Variants in PLEKHA7 observed in about 807,000 individuals in gnomAD.
The protein encoded by PLEKHA7 is pleckstrin homology domain-containing family A member 7.
PLEKHA7 carries 104 observed loss-of-function variants against 170.0 expected under a neutral mutation model. The observed-to-expected ratio is 0.61, with a 90% CI of 0.52 to 0.72. The LOEUF (loss-of-function observed/expected upper bound fraction) is 0.72. PLEKHA7 is among the 30% of genes least tolerant of loss of function. The probability of loss-of-function intolerance (pLI) is 0.00; values close to 1 mark genes in which losing one functional copy is unlikely to be tolerated. For synonymous variants in PLEKHA7, 648 were observed against 660.8 expected (o/e 0.98, Z 0.30); for missense variants, 1,615 against 1,671.7 (o/e 0.97, Z 0.59).
chr11:16,835,067 C>A (rs539898572), intron 9 of PLEKHA7, among the ~76,000 whole-genome samples: 3 of 151,990 alleles, frequency 2.0e-5, no homozygotes, highest in Non-Finnish European at 4.4e-5. Context: ...CCCAGGAGTT[C>A]GAGGCCAGCC....
At chr11:16,883,165 T>C (rs1431965114) in intron 3 of PLEKHA7, among the ~76,000 whole-genome samples, 2 of 152,130 alleles carry the variant, frequency 1.3e-5, no homozygotes, top group Non-Finnish European at 2.9e-5. Context: ...ACCTCCAAAA[T>C]GTCTTGGGAG....
In PLEKHA7 at chr11:16,786,150, C is replaced by A. The variant is rs1385627669; in HGVS notation, c.3516+79G>T. ...CCATGTCCCTGTTCAGGATGATACCCCACAGTGGGAAGGTGGATCAGGCTG... is the reference window on the plus strand; with the variant it reads ...CCATGTCCCTGTTCAGGATGATACCACACAGTGGGAAGGTGGATCAGGCTG... On this transcript the variant is annotated intron_variant, in intron 24 of 26. Transcript: ENST00000531066. 5.4e-6 allele frequency: 8 copies of A among 1,486,712 alleles called. No individual in the cohort carries two copies. The Admixed American group carries it at 1.6e-4, about 30-fold the overall frequency. 92.1% of individuals were successfully genotyped at this position (1,486,712 alleles called of 1,614,324 possible).
intron 24 of PLEKHA7, among the ~76,000 whole-genome samples, chr11:16,785,584 T>G (rs1039010987): frequency 2.6e-5 from 4 of 152,032 alleles, no homozygotes; most frequent in Non-Finnish European, 5.9e-5. Context: ...AGACACTGAG[T>G]GTGTCATCCC....
intron 3 of PLEKHA7, among the ~76,000 whole-genome samples, chr11:16,966,843 T>C (rs538432628): frequency 6.6e-6 from 1 of 152,202 alleles, no homozygotes; most frequent in African/African-American, 2.4e-5. Context: ...GTCGTCCACC[T>C]GGAGCCTGCC....
intron 3 of PLEKHA7, among the ~76,000 whole-genome samples, chr11:16,994,300 C>G (rs1428172926): frequency 6.6e-6 from 1 of 152,182 alleles, no homozygotes; most frequent in East Asian, 1.9e-4. Flanking sequence ...GTGAGGGCTA[C>G]CTGGAGTTGC....
chr11:16,951,579 C>G (rs569624898), intron 3 of PLEKHA7, among the ~76,000 whole-genome samples: 3 of 152,316 alleles, frequency 2.0e-5, no homozygotes, highest in African/African-American at 7.2e-5. Context: ...CAATCTCACT[C>G]TGAGACCCAG....
At chr11:16,785,924 C>T (rs550508212) in intron 24 of PLEKHA7, among the ~76,000 whole-genome samples, 2 of 152,330 alleles carry the variant, frequency 1.3e-5, no homozygotes, top group African/African-American at 4.8e-5. Flanking sequence ...GCTTTGATCG[C>T]TAAACCTCCC....
intron 3 of PLEKHA7, among the ~76,000 whole-genome samples, chr11:16,923,580 G>C (rs553449218): frequency 1.1e-4 from 17 of 152,058 alleles, no homozygotes; most frequent in Non-Finnish European, 4.4e-5. Flanking sequence ...AGAGGCAGGC[G>C]AACTCAGCAA....
chr11:16,788,869 C>A, intron 23 of PLEKHA7: 1 of 606,214 alleles, frequency 1.6e-6, no homozygotes, highest in South Asian at 2.1e-5. Context: ...TTTCCTCAGG[C>A]TCCTGGGCCT....
At position 16,897,947 on chromosome 11, in the gene PLEKHA7, G is replaced by C. The variant is rs1555; in HGVS notation, c.222-26765C>G. ...CTACCCACTTCCACAGTGTCATTCA[G>C]ATATCACCATGACAACCACCAAAAG... On this transcript the variant is annotated intron_variant, in intron 3 of 26. Coordinates refer to ENST00000531066, the MANE Select transcript of PLEKHA7 (RefSeq NM_001329630.2). Among the ~76,000 whole-genome samples, 894 of 152,232 alleles carry C rather than the reference G, an allele frequency of 5.9e-3. 1 individual carries two copies. The highest frequency in any genetic ancestry group is 0.017 in the Middle Eastern group (5 of 294).
intron 3 of PLEKHA7, among the ~76,000 whole-genome samples, chr11:16,925,488 C>T (rs958947871): frequency 3.3e-5 from 5 of 152,208 alleles, no homozygotes; most frequent in Non-Finnish European, 7.3e-5. Context: ...GGCTCGACAA[C>T]CCGCAGACCC....
Position 16,789,428 on chromosome 11 carries a change from GC to G in PLEKHA7, c.3157-133del. On this transcript the variant is annotated intron_variant, in intron 22 of 26. Transcript: ENST00000531066. The surrounding 1 kb of genome is among the most constrained non-coding windows in gnomAD (Gnocchi z 4.6). The stretch of plus-strand genomic sequence containing the variant: ...GCACACTCTAGTTGGGCTCCTCTTG[GC>G]CTTAGAGAACTATTTCCTCTAAGCA... 1.2e-6 allele frequency: 1 copy of G among 839,264 alleles called. No homozygotes were observed. The highest frequency in any genetic ancestry group is 1.9e-6 in the Non-Finnish European group (1 of 532,940). The allele number at this position is 839,264 out of a possible 1,614,324, so 52.0% of individuals were successfully genotyped here. A position where few individuals can be genotyped will look rare whatever the true frequency, so the allele number is the denominator to read the frequency against.
At chr11:16,847,606 G>A (rs1198412388) in intron 8 of PLEKHA7, among the ~76,000 whole-genome samples, 1 of 151,940 alleles carries the variant, frequency 6.6e-6, no homozygotes, top group African/African-American at 2.4e-5. Context: ...AAGACAGGTG[G>A]ATCACCTGAG....
intron 26 of PLEKHA7, among the ~76,000 whole-genome samples, chr11:16,782,031 C>T (rs770015937): frequency 6.6e-6 from 1 of 151,996 alleles, no homozygotes; most frequent in African/African-American, 2.4e-5. Context: ...GAGGAGCCTG[C>T]GGTCTCCTTC....
chr11:16,829,759 A>G lies in PLEKHA7; in HGVS notation c.873-3169T>C, dbSNP rs567774932. Among the ~76,000 whole-genome samples, 4 of 152,322 alleles carry G rather than the reference A, an allele frequency of 2.6e-5. No homozygotes were observed. The South Asian group carries it at 8.3e-4, about 32-fold the overall frequency. Reference sequence around the variant, plus strand: ...CACTGTGCTCCAGCCTGGGCAACAGAGCAAGACTCCGCCTCAAAAAAGAAA... The same window carrying G: ...CACTGTGCTCCAGCCTGGGCAACAGGGCAAGACTCCGCCTCAAAAAAGAAA... On this transcript the variant is annotated intron_variant, in intron 9 of 26. Transcript: ENST00000531066.
chr11:16,810,202 C>CA (rs1240368414), intron 13 of PLEKHA7, among the ~76,000 whole-genome samples: 1 of 152,204 alleles, frequency 6.6e-6, no homozygotes, highest in Non-Finnish European at 1.5e-5. Context: ...TAGATACTTA[C>CA]AAACAAAAGC....
chr11:16,811,191 C>G (rs1354797820), intron 13 of PLEKHA7, among the ~76,000 whole-genome samples: 1 of 152,212 alleles, frequency 6.6e-6, no homozygotes, highest in African/African-American at 2.4e-5. Flanking sequence ...TGAGTTTCCA[C>G]TGTCACATAC....
intron 13 of PLEKHA7, 46 bp from the exon 14 acceptor site, chr11:16,803,341 A>G (rs561241729): frequency 6.4e-7 from 1 of 1,567,512 alleles, no homozygotes; most frequent in South Asian, 1.1e-5. Flanking sequence ...GGTGTTTGAG[A>G]TCAGAACTCA....
intron 9 of PLEKHA7, among the ~76,000 whole-genome samples, chr11:16,840,572 A>G (rs1851872306): frequency 6.6e-6 from 1 of 152,150 alleles, no homozygotes; most frequent in African/African-American, 2.4e-5. Context: ...AAACAAAACA[A>G]AACAAAACCA....
Sources: allele counts gnomAD v4.1 joint callset (sites outside exome capture counted in the v4.1 genomes callset), GRCh38; gene constraint gnomAD v4.1.1; non-coding constraint Gnocchi (gnomAD v3.1); transcripts MANE v1.5; gene names NCBI Gene and HGNC (gene_info 2026-07-23, HGNC 2026-07-21).